The following CHM variants were observed in gnomAD, a reference collection of about 807,000 sequenced individuals.
CHM encodes CHM Rab escort protein, also known as rab proteins geranylgeranyltransferase component A 1.
CHM carries 10 observed loss-of-function variants against 49.0 expected under a neutral mutation model. The ratio of observed to expected loss-of-function variants is 0.20; its 90% confidence interval spans 0.13 to 0.35. CHM has a LOEUF of 0.35. CHM is among the 10% of genes least tolerant of loss of function. CHM has a pLI of 1.00. For missense variants in CHM, 455 were observed against 478.4 expected (o/e 0.95, Z 0.46); for synonymous variants, 184 against 167.5 (o/e 1.10, Z -0.76).
intron 8 of CHM, among the ~76,000 whole-genome samples, chrX:85,913,607 C>A (rs1927263150): frequency 9.1e-6 from 1 of 110,064 alleles, no homozygotes; most frequent in Non-Finnish European, 1.9e-5. Context: ...TGCAGCCCTG[C>A]CAACCAGTTT....
intron 2 of CHM, among the ~76,000 whole-genome samples, chrX:86,008,394 A>C (rs921491262): frequency 5.4e-5 from 6 of 110,628 alleles, no homozygotes; most frequent in Non-Finnish European, 9.5e-5. Flanking sequence ...GTACCCTAGA[A>C]CTTAAAGTAT....
At chrX:85,896,920 T>A (rs1471881087) in intron 11 of CHM, among the ~76,000 whole-genome samples, 1 of 96,400 alleles carries the variant, frequency 1.0e-5, no homozygotes, top group African/African-American at 3.8e-5. Context: ...ATATAATACA[T>A]AATATGTAAT....
chrX:85,888,059 A>G (rs1925202460), intron 12 of CHM, among the ~76,000 whole-genome samples: 1 of 112,152 alleles, frequency 8.9e-6, no homozygotes, highest in Non-Finnish European at 1.9e-5. Flanking sequence ...TGTAATGAGG[A>G]GCCAAATGTT....
chrX:85,888,790 C>T (rs969820798), intron 12 of CHM, among the ~76,000 whole-genome samples: 1 of 112,232 alleles, frequency 8.9e-6, no homozygotes, highest in Non-Finnish European at 1.9e-5. Context: ...AATTGCTCTA[C>T]TTCTACCAAG....
chrX:85,931,196 A>G (rs1928414470), intron 8 of CHM, among the ~76,000 whole-genome samples: 1 of 111,492 alleles, frequency 9.0e-6, no homozygotes, highest in African/African-American at 3.3e-5. Flanking sequence ...CCAAATTCCT[A>G]ATCATAGGCA....
At chrX:85,872,523 C>T (rs1443300309) in intron 14 of CHM, among the ~76,000 whole-genome samples, 1 of 111,200 alleles carries the variant, frequency 9.0e-6, no homozygotes, top group African/African-American at 3.3e-5. Flanking sequence ...GCTCCTGGGA[C>T]AGGAATTTGT....
intron 1 of CHM, among the ~76,000 whole-genome samples, chrX:86,043,562 T>C (rs1934553249): frequency 9.1e-6 from 1 of 109,791 alleles, no homozygotes; most frequent in Non-Finnish European, 1.9e-5. Context: ...CGTGTCACCA[T>C]ACCCAATTAA....
chrX:86,032,028 C>T (rs948134137), intron 1 of CHM, among the ~76,000 whole-genome samples: 1 of 111,727 alleles, frequency 9.0e-6, no homozygotes, highest in Non-Finnish European at 1.9e-5. Context: ...ATTAATATTT[C>T]TAAGCTCAAT....
chrX:85,948,806 T>C (rs958710631), intron 8 of CHM, among the ~76,000 whole-genome samples: 6 of 112,005 alleles, frequency 5.4e-5, no homozygotes, highest in African/African-American at 9.7e-5. Flanking sequence ...CTATGATGTA[T>C]AGATGGTAAT....
At chrX:86,037,589 C>CACAGAAGAA (rs1265018764) in intron 1 of CHM, among the ~76,000 whole-genome samples, 31 of 110,106 alleles carry the variant, frequency 2.8e-4, no homozygotes, top group African/African-American at 9.8e-4. Flanking sequence ...ACTAATGTGC[C>CACAGAAGAA]ACATGACCTT....
intron 8 of CHM, among the ~76,000 whole-genome samples, chrX:85,955,028 C>A (rs369836796): frequency 4.0e-4 from 45 of 111,157 alleles, no homozygotes; most frequent in South Asian, 1.9e-3. Context: ...CACTTACTTG[C>A]GGGAGCTAAA....
chrX:85,884,861 G>A (rs1342825954), intron 12 of CHM, among the ~76,000 whole-genome samples: 2 of 110,994 alleles, frequency 1.8e-5, no homozygotes, highest in South Asian at 3.7e-4. Flanking sequence ...TTTGTATAAA[G>A]AAAAAAGTGG....
At chrX:85,896,181 A>G (rs1449261266) in intron 11 of CHM, among the ~76,000 whole-genome samples, 6 of 110,154 alleles carry the variant, frequency 5.4e-5, no homozygotes, top group Admixed American at 9.7e-5. Flanking sequence ...AGATGAAAGA[A>G]GAAAACTCTC....
At chrX:85,920,576 T>C (rs1290957703) in intron 8 of CHM, among the ~76,000 whole-genome samples, 1 of 112,343 alleles carries the variant, frequency 8.9e-6, no homozygotes, top group Non-Finnish European at 1.9e-5. Context: ...ACCATACAAA[T>C]AATAATCACA....
At chrX:85,966,903 C>T (rs1930611880) in intron 4 of CHM, among the ~76,000 whole-genome samples, 2 of 111,765 alleles carry the variant, frequency 1.8e-5, no homozygotes, top group South Asian at 7.4e-4. Context: ...TTAACCAGTA[C>T]TGGACAACCT....
At chrX:85,905,842 C>T (rs1362533932) in intron 9 of CHM, among the ~76,000 whole-genome samples, 4 of 111,301 alleles carry the variant, frequency 3.6e-5, no homozygotes. Flanking sequence ...TACAGAGTCT[C>T]ACCCGTCATA....
intron 14 of CHM, among the ~76,000 whole-genome samples, chrX:85,872,410 T>A (rs1245392083): frequency 4.5e-5 from 5 of 111,796 alleles, no homozygotes; most frequent in African/African-American, 1.6e-4. Context: ...ATGGCTCACT[T>A]TTAGCAGCTT....
At chrX:86,020,702 T>C (rs1016624582) in intron 2 of CHM, among the ~76,000 whole-genome samples, 6 of 104,519 alleles carry the variant, frequency 5.7e-5, no homozygotes, top group Non-Finnish European at 7.9e-5. Context: ...GATATATACA[T>C]CTGATATATA....
rs1470113479 is a variant in CHM, at chrX:85,861,715, C to T, written c.*2915G>A. On this transcript the variant is annotated 3_prime_UTR_variant, in exon 15 of 15. Coordinates refer to ENST00000357749, the MANE Select transcript of CHM (RefSeq NM_000390.4). ...CACCAACTAGGAAAAAATACAATAG[C>T]AACATAGGATTAGGTATTGCTTCTC... 1 of 111,468 alleles carries T rather than the reference C, an allele frequency of 9.0e-6. No individual in the cohort carries two copies. Among genetic ancestry groups the T allele is most frequent in the African/African-American group, 3.3e-5 (1 of 30,694 alleles). The allele number at this position is 111,468 out of a possible 1,213,427, so 9.2% of individuals were successfully genotyped here. A position where few individuals can be genotyped will look rare whatever the true frequency, so the allele number is the denominator to read the frequency against.
Sources: gnomAD v4.1 joint callset for allele counts (sites outside exome capture counted in the v4.1 genomes callset) on GRCh38, gnomAD v4.1.1 for gene constraint, MANE v1.5 for transcripts, NCBI Gene and HGNC (gene_info 2026-07-23, HGNC 2026-07-21) for gene names.